ACSM5: variants seen among roughly 807,000 people sequenced by gnomAD.
The protein encoded by ACSM5 is acyl-CoA synthetase medium chain family member 5.
ACSM5 carries 56 observed loss-of-function variants against 71.6 expected under a neutral mutation model. That is an observed-to-expected ratio of 0.78 (90% CI 0.63 to 0.98). The LOEUF (loss-of-function observed/expected upper bound fraction) is 0.98. Ranked by LOEUF, ACSM5 falls within the 50% of genes least tolerant of loss-of-function variation. The pLI is 0.00. For synonymous variants in ACSM5, 285 were observed against 281.5 expected, an observed-to-expected ratio of 1.01 and a Z score of -0.12; for missense variants, 723 against 726.0, an observed-to-expected ratio of 1.00 and a Z score of 0.05.
chr16:20,437,252 T>C lies in ACSM5; in HGVS notation c.1437-16T>C, dbSNP rs771968131. ...TGAGGGAAGCCCACTTGGAAGAGTT[T>C]GTTTTTCCCTTCCAGCTACCGGATC... On this transcript the variant is annotated splice_polypyrimidine_tract_variant and intron_variant, in intron 11 of 13. Transcript: ENST00000331849. The C allele has an allele frequency of 6.2e-6, 10 of 1,614,038 alleles. No homozygotes were observed. In the South Asian group the frequency reaches 6.6e-5, roughly 11 times the overall value.
intron 11 of ACSM5, 41 bp downstream of exon 11, chr16:20,437,220 T>C (rs1258892455): frequency 1.2e-6 from 2 of 1,614,060 alleles, no homozygotes; most frequent in Non-Finnish European, 1.7e-6. Flanking sequence ...TGAAATTTCA[T>C]GGGGGTTGAG....
At position 20,436,782 on chromosome 16, in the gene ACSM5, A is replaced by G. The variant is rs371731961; in HGVS notation, c.1309-270A>G. 3.9e-3 allele frequency among the ~76,000 whole-genome samples: 591 copies of G among 151,714 alleles called. 2 individuals carry two copies. The highest frequency in any genetic ancestry group is 6.2e-3 in the East Asian group (32 of 5,134). ...TGTGCCCACCCTCCTGCTTTCAACTATGCTTTCTAGACCCCCTTCTAAGGA... is the reference window on the plus strand; with the variant it reads ...TGTGCCCACCCTCCTGCTTTCAACTGTGCTTTCTAGACCCCCTTCTAAGGA... On this transcript the variant is annotated intron_variant, in intron 10 of 13. Transcript: ENST00000331849.
intron 6 of ACSM5, among the ~76,000 whole-genome samples, 191 bp downstream of exon 6, chr16:20,424,260 C>T (rs1358292909): frequency 6.6e-6 from 1 of 152,164 alleles, no homozygotes; most frequent in East Asian, 1.9e-4. Flanking sequence ...GCTCTAGCTA[C>T]ATTCCTAGAT....
rs116886642 is a variant in ACSM5, at chr16:20,432,794, G to C, written c.1308+1473G>C. ...TGCTAGACAACAATCTAGTTTTTTTGACTGTTTCTTTCCGTCACCTGTACC... is the reference window on the plus strand; with the variant it reads ...TGCTAGACAACAATCTAGTTTTTTTCACTGTTTCTTTCCGTCACCTGTACC... On this transcript the variant is annotated intron_variant, in intron 10 of 13. Coordinates refer to ENST00000331849, the MANE Select transcript of ACSM5 (RefSeq NM_017888.3). Among the ~76,000 whole-genome samples, 32 of 131,470 alleles carry C rather than the reference G, an allele frequency of 2.4e-4. No homozygotes were observed. The East Asian group carries it at 7.9e-3, about 33-fold the overall frequency. The allele number at this position is 131,470 out of a possible 152,430, so 86.2% of individuals were successfully genotyped here.
Position 20,418,237 on chromosome 16 carries a change from G to T in ACSM5, c.383G>T (p.Trp128Leu). 6.2e-7 allele frequency: 1 copy of T among 1,612,152 alleles called. No homozygotes were observed. The highest frequency in any genetic ancestry group is 8.5e-7 in the Non-Finnish European group (1 of 1,179,778). Residue 128 changes from tryptophan to leucine, a missense_variant, in exon 3 of 14, where the codon TGG (tryptophan) becomes TTG (leucine). Transcript: ENST00000331849. ...CTGGTACTCCCACGGCTCCCGGAGT[G>T]GTGGCTGGTCAGTGTGGCTTGCATG... ...MMLVLPRLPE[W>L]WLVSVACMRT...
intron 1 of ACSM5, among the ~76,000 whole-genome samples, chr16:20,411,106 C>A (rs1283011798): frequency 1.3e-5 from 2 of 152,326 alleles, no homozygotes; most frequent in African/African-American, 4.8e-5. Context: ...GGCTCACGTT[C>A]TATTTCTGTT....
At chr16:20,415,640 T>A (rs1966854921) in intron 2 of ACSM5, among the ~76,000 whole-genome samples, 1 of 152,232 alleles carries the variant, frequency 6.6e-6, no homozygotes. Flanking sequence ...AAACATGTGT[T>A]ACCCTTCTTG....
chr16:20,426,123 C>T (rs1966973220), intron 6 of ACSM5, among the ~76,000 whole-genome samples: 1 of 152,138 alleles, frequency 6.6e-6, no homozygotes, highest in South Asian at 2.1e-4. Flanking sequence ...TATGGCCATT[C>T]TTGCAGGAGT....
intron 4 of ACSM5, among the ~76,000 whole-genome samples, chr16:20,420,052 C>T (rs1171846466): frequency 3.3e-5 from 5 of 152,122 alleles, no homozygotes; most frequent in African/African-American, 7.2e-5. Flanking sequence ...TGGGCAGAGC[C>T]GAGAGCAGAT....
At position 20,436,906 on chromosome 16, in the gene ACSM5, T is replaced by C. The variant is rs1185746513; in HGVS notation, c.1309-146T>C. 6.1e-6 allele frequency: 5 copies of C among 817,234 alleles called. No homozygotes were observed. In the East Asian group the frequency reaches 1.3e-4, roughly 21 times the overall value. 50.6% of individuals were successfully genotyped at this position (817,234 alleles called of 1,614,324 possible). A position where few individuals can be genotyped will look rare whatever the true frequency, so the allele number is the denominator to read the frequency against. On this transcript the variant is annotated intron_variant, in intron 10 of 13. Transcript: ENST00000331849. ...AACAGGGCCATAACTCCCTGTCCAT[T>C]GGGGAACTCTGGGCAGCCGGGACTT...
chr16:20,418,973 A>G (rs1567341189), intron 3 of ACSM5, among the ~76,000 whole-genome samples: 2 of 152,126 alleles, frequency 1.3e-5, no homozygotes, highest in Admixed American at 6.5e-5. Flanking sequence ...TCTTCTTAGA[A>G]TGGTTCCTTC....
rs1741742991 is a variant in ACSM5, at chr16:20,409,679, A to C, written c.-16+14A>C. On this transcript the variant is annotated intron_variant, in intron 1 of 13. Coordinates refer to ENST00000331849, the MANE Select transcript of ACSM5 (RefSeq NM_017888.3). ...TTCAAGAGCAAGGTAATTTGGAAAG[A>C]AATTTTTCAGACGAAGGTATCAGCT... The C allele has an allele frequency of 6.6e-6, 1 of 152,190 alleles. No homozygotes were observed. The highest frequency in any genetic ancestry group is 2.4e-5 in the African/African-American group (1 of 41,432). The allele number at this position is 152,190 out of a possible 1,614,324, so 9.4% of individuals were successfully genotyped here. A position where few individuals can be genotyped will look rare whatever the true frequency, so the allele number is the denominator to read the frequency against.
chr16:20,437,418 C>A, intron 12 of ACSM5, 51 bp downstream of exon 12: 1 of 1,319,976 alleles, frequency 7.6e-7, no homozygotes. Flanking sequence ...CCTATTAGCA[C>A]CCAGCAGAAC....
chr16:20,425,537 G>A (rs971520750), intron 6 of ACSM5, among the ~76,000 whole-genome samples: 4 of 152,132 alleles, frequency 2.6e-5, no homozygotes, highest in Admixed American at 6.5e-5. Context: ...CACCTGAGCA[G>A]TATACACTGC....
intron 2 of ACSM5, among the ~76,000 whole-genome samples, chr16:20,417,218 T>C (rs1472710007): frequency 1.3e-5 from 2 of 152,074 alleles, no homozygotes; most frequent in Admixed American, 6.5e-5. Context: ...TCCAAGACAA[T>C]AGAAAACATG....
chr16:20,412,020 T>C (rs894928857), intron 2 of ACSM5: 3 of 328,394 alleles, frequency 9.1e-6, no homozygotes, highest in Admixed American at 8.6e-5. Context: ...TCTTTGATGT[T>C]TTTCTCTCAC....
chr16:20,437,608 G>T (rs894157208), intron 12 of ACSM5, among the ~76,000 whole-genome samples: 1 of 133,490 alleles, frequency 7.5e-6, no homozygotes, highest in African/African-American at 3.0e-5. Flanking sequence ...TCCCAGAGAG[G>T]CTGGCTATGG....
intron 12 of ACSM5, among the ~76,000 whole-genome samples, chr16:20,438,070 C>T (rs1271688338): frequency 6.6e-6 from 1 of 151,814 alleles, no homozygotes; most frequent in Non-Finnish European, 1.5e-5. Flanking sequence ...CTTAGGTGAT[C>T]CACCCACCCC....
chr16:20,415,100 G>A (rs1966853982), intron 2 of ACSM5, among the ~76,000 whole-genome samples: 1 of 152,186 alleles, frequency 6.6e-6, no homozygotes, highest in Admixed American at 6.5e-5. Flanking sequence ...AAGTGTTGAA[G>A]ATGTGGACTG....
Sources: gnomAD v4.1 joint callset for allele counts (sites outside exome capture counted in the v4.1 genomes callset) on GRCh38, gnomAD v4.1.1 for gene constraint, MANE v1.5 for transcripts, NCBI Gene and HGNC (gene_info 2026-07-23, HGNC 2026-07-21) for gene names.